The following CAMTA1 variants were observed in gnomAD, a reference collection of about 807,000 sequenced individuals.
CAMTA1 encodes calmodulin binding transcription activator 1, also known as calmodulin-binding transcription activator 1.
A neutral mutation model predicts 170.9 loss-of-function variants in CAMTA1; 27 were observed. That is an observed-to-expected ratio of 0.16 (90% CI 0.12 to 0.22). The LOEUF is 0.22. CAMTA1 is among the 10% of genes least tolerant of loss of function. The pLI is 1.00. For missense variants in CAMTA1, 1,619 were observed against 2,217.2 expected (o/e 0.73, Z 5.42); for synonymous variants, 833 against 891.5 (o/e 0.93, Z 1.17).
chr1:7,114,153 G>T (rs1383621085), intron 4 of CAMTA1, among the ~76,000 whole-genome samples: 2 of 152,166 alleles, frequency 1.3e-5, no homozygotes, highest in Non-Finnish European at 2.9e-5. Flanking sequence ...CATGTGCCAA[G>T]GCCCTGAGCT....
chr1:7,231,327 ATGTG>A (rs745744631), intron 4 of CAMTA1, among the ~76,000 whole-genome samples: 2 of 141,880 alleles, frequency 1.4e-5, no homozygotes, highest in Admixed American at 1.4e-4. Context: ...TACTGGCTTA[ATGTG>A]TGTGTGTGTG....
intron 5 of CAMTA1, among the ~76,000 whole-genome samples, chr1:7,352,578 C>T (rs2084768423): frequency 6.6e-6 from 1 of 152,196 alleles, no homozygotes; most frequent in Non-Finnish European, 1.5e-5. Flanking sequence ...CCTTGGCCAT[C>T]CACCCATGGG....
chr1:6,909,665 G>A (rs933915483), intron 3 of CAMTA1, among the ~76,000 whole-genome samples: 1 of 152,226 alleles, frequency 6.6e-6, no homozygotes, highest in Non-Finnish European at 1.5e-5. Flanking sequence ...TGCAATGAGG[G>A]ACTAACTGGA....
At chr1:7,552,791 C>T (rs2094820556) in intron 6 of CAMTA1, among the ~76,000 whole-genome samples, 1 of 152,248 alleles carries the variant, frequency 6.6e-6, no homozygotes, top group Non-Finnish European at 1.5e-5. Context: ...GTGGAGGCCC[C>T]TGCCACAGCT....
At chr1:7,531,289 T>C (rs1028602335) in intron 6 of CAMTA1, among the ~76,000 whole-genome samples, 1 of 152,174 alleles carries the variant, frequency 6.6e-6, no homozygotes, top group African/African-American at 2.4e-5. Flanking sequence ...CACCGAAGTC[T>C]CAGAGTCTGT....
intron 4 of CAMTA1, among the ~76,000 whole-genome samples, chr1:7,094,453 A>G (rs907628956): frequency 1.3e-5 from 2 of 152,218 alleles, no homozygotes; most frequent in Non-Finnish European, 2.9e-5. Context: ...GAATTGCACC[A>G]CTGACATTTA....
intron 6 of CAMTA1, among the ~76,000 whole-genome samples, chr1:7,477,821 TGGGGAGGGG>T (rs2093446327): frequency 6.6e-6 from 1 of 152,140 alleles, no homozygotes; most frequent in South Asian, 2.1e-4. Flanking sequence ...CAGAGCCCTC[TGGGGAGGGG>T]CACCCTCTGC....
At chr1:7,747,307 A>G (rs1366424542) in intron 18 of CAMTA1, among the ~76,000 whole-genome samples, 3 of 152,210 alleles carry the variant, frequency 2.0e-5, no homozygotes, top group Non-Finnish European at 4.4e-5. Context: ...AAGGGGACCC[A>G]TGGCTTTCTA....
chr1:7,067,943 T>A lies in CAMTA1; in HGVS notation c.235-23361T>A, dbSNP rs1294294999. On this transcript the variant is annotated intron_variant, in intron 3 of 22. Transcript: ENST00000303635. This position sits in a 1 kb window ranked among gnomAD's most constrained non-coding sequence, Gnocchi z 4.3. Reference sequence around the variant, plus strand: ...CTTAAAAAAGGGTGTATGATTTCTGTCTTCTGGACTTTGGAAAATGTGATG... The same window carrying A: ...CTTAAAAAAGGGTGTATGATTTCTGACTTCTGGACTTTGGAAAATGTGATG... Among the ~76,000 whole-genome samples the A allele has an allele frequency of 6.6e-6, 1 of 152,198 alleles. No homozygotes were observed. The highest frequency in any genetic ancestry group is 1.5e-5 in the Non-Finnish European group (1 of 68,044).
At chr1:6,814,202 A>G (rs1364071237) in intron 1 of CAMTA1, among the ~76,000 whole-genome samples, 1 of 152,182 alleles carries the variant, frequency 6.6e-6, no homozygotes, top group Non-Finnish European at 1.5e-5. Context: ...ATGGAGTTGT[A>G]GGTTAGCAGA....
chr1:7,266,749 G>A (rs1282247266), intron 5 of CAMTA1, among the ~76,000 whole-genome samples: 1 of 152,206 alleles, frequency 6.6e-6, no homozygotes, highest in East Asian at 1.9e-4. Context: ...ACTAAGGGAG[G>A]AAAGGCCATT....
chr1:7,297,123 TA>T (rs1364687423), intron 5 of CAMTA1, among the ~76,000 whole-genome samples: 23 of 152,178 alleles, frequency 1.5e-4, no homozygotes, highest in East Asian at 1.9e-4. Context: ...CCAAAAAGAG[TA>T]AAAAGCTCTT....
At chr1:7,766,420 A>G (rs2097025202) in intron 22 of CAMTA1, 39 bp from the exon 23 acceptor site, 1 of 1,608,794 alleles carries the variant, frequency 6.2e-7, no homozygotes, top group Non-Finnish European at 8.5e-7. Context: ...AATTCACTAT[A>G]GAGTTATCGC....
intron 3 of CAMTA1, among the ~76,000 whole-genome samples, chr1:7,057,998 T>G (rs1422743699): frequency 6.6e-6 from 1 of 152,164 alleles, no homozygotes; most frequent in Non-Finnish European, 1.5e-5. Flanking sequence ...AGCAAATTTC[T>G]GTTCCAGAGG....
intron 6 of CAMTA1, among the ~76,000 whole-genome samples, chr1:7,600,939 CCT>C (rs2095435614): frequency 6.6e-6 from 1 of 151,736 alleles, no homozygotes; most frequent in South Asian, 2.1e-4. Flanking sequence ...ACCTTTCCCC[CCT>C]TTCTATTCCA....
At position 7,325,846 on chromosome 1, in the gene CAMTA1, G is replaced by T. The variant is rs1048048847; in HGVS notation, c.438+76220G>T. 2.1e-5 allele frequency among the ~76,000 whole-genome samples: 3 copies of T among 145,430 alleles called. No homozygotes were observed. Among genetic ancestry groups the T allele is most frequent in the African/African-American group, 7.4e-5 (3 of 40,510 alleles). The stretch of plus-strand genomic sequence containing the variant: ...TCCAGGTTTGGTTTGTTGTTGGTGG[G>T]TTTTTTTGTTTGTTTGTTTGTTTGT... On this transcript the variant is annotated intron_variant, in intron 5 of 22. Coordinates refer to ENST00000303635, the MANE Select transcript of CAMTA1 (RefSeq NM_015215.4). The surrounding 1 kb of genome is among the most constrained non-coding windows in gnomAD (Gnocchi z 5.0).
intron 4 of CAMTA1, among the ~76,000 whole-genome samples, chr1:7,107,236 C>T (rs574976705): frequency 5.3e-5 from 8 of 150,144 alleles, no homozygotes; most frequent in African/African-American, 1.2e-4. Flanking sequence ...AGACGGCACA[C>T]GCAGGAGAGC....
chr1:7,632,016 G>T (rs1483007557), intron 6 of CAMTA1, among the ~76,000 whole-genome samples: 2 of 144,788 alleles, frequency 1.4e-5, no homozygotes, highest in Non-Finnish European at 3.0e-5. Context: ...GTGTCGCCCA[G>T]TGTCGCCCAG....
rs541711910 is a variant in CAMTA1 at position 7,547,868 on chromosome 1, C to T, written c.510+79967C>T. 6.6e-5 allele frequency among the ~76,000 whole-genome samples: 10 copies of T among 152,222 alleles called. No homozygotes were observed. The highest frequency in any genetic ancestry group is 8.8e-5 in the Non-Finnish European group (6 of 68,008). On this transcript the variant is annotated intron_variant, in intron 6 of 22. Transcript: ENST00000303635. The surrounding 1 kb of genome is among the most constrained non-coding windows in gnomAD (Gnocchi z 5.7). ...CAGACTCTGACACCCCTTGCAAGGG[C>T]ACTCCACTGTGTGGACCCCCCACTC...
Sources: allele counts gnomAD v4.1 joint callset (sites outside exome capture counted in the v4.1 genomes callset), GRCh38; gene constraint gnomAD v4.1.1; non-coding constraint Gnocchi (gnomAD v3.1); transcripts MANE v1.5; gene names NCBI Gene and HGNC (gene_info 2026-07-23, HGNC 2026-07-21).